The following RERE variants were observed in gnomAD, a reference collection of about 807,000 sequenced individuals.
The protein encoded by RERE is arginine-glutamic acid dipeptide repeats.
A neutral mutation model predicts 146.1 loss-of-function variants in RERE; 40 were observed. The observed-to-expected ratio is 0.27, with a 90% CI of 0.21 to 0.36. The LOEUF is 0.36. Ranked by LOEUF, RERE falls within the 10% of genes least tolerant of loss-of-function variation. RERE has a pLI of 1.00. For missense variants in RERE, 1,933 were observed against 2,138.7 expected, an observed-to-expected ratio of 0.90 and a Z score of 1.90; for synonymous variants, 1,003 against 866.0, an observed-to-expected ratio of 1.16 and a Z score of -2.78.
intron 1 of RERE, among the ~76,000 whole-genome samples, chr1:8,708,605 C>T (rs1005906409): frequency 1.3e-5 from 2 of 152,110 alleles, no homozygotes; most frequent in African/African-American, 4.8e-5. Context: ...GAATTACAGG[C>T]ATGAACCACT....
intron 1 of RERE, among the ~76,000 whole-genome samples, chr1:8,773,855 T>C (rs1172204607): frequency 6.6e-6 from 1 of 152,112 alleles, no homozygotes. Flanking sequence ...TAAGTTACAA[T>C]GCTGTACATA....
chr1:8,521,176 C>CCAA (rs1645493307), intron 7 of RERE, among the ~76,000 whole-genome samples: 2 of 109,976 alleles, frequency 1.8e-5, no homozygotes, highest in Non-Finnish European at 3.5e-5. Flanking sequence ...TTCTTTTTTT[C>CCAA]AAAAAAAAAA....
chr1:8,370,351 A>G (rs997027050), intron 12 of RERE, among the ~76,000 whole-genome samples: 1 of 152,158 alleles, frequency 6.6e-6, no homozygotes, highest in Non-Finnish European at 1.5e-5. Context: ...ACAAGAAACT[A>G]AAAGAACTCA....
intron 1 of RERE, among the ~76,000 whole-genome samples, chr1:8,811,654 C>G (rs974601064): frequency 6.6e-6 from 1 of 152,170 alleles, no homozygotes; most frequent in Admixed American, 6.5e-5. Context: ...ATACAGGTGC[C>G]AATGAATGTG....
intron 4 of RERE, among the ~76,000 whole-genome samples, chr1:8,602,507 T>C (rs1646645659): frequency 9.0e-6 from 1 of 110,982 alleles, no homozygotes; most frequent in Admixed American, 1.2e-4. Flanking sequence ...ATTCCAATAG[T>C]TCAGGGGAAA....
chr1:8,591,958 C>T (rs567152632), intron 4 of RERE, among the ~76,000 whole-genome samples: 3 of 152,120 alleles, frequency 2.0e-5, no homozygotes, highest in East Asian at 3.9e-4. Context: ...TAAAATGATA[C>T]GTAAGGTGAG....
intron 1 of RERE, among the ~76,000 whole-genome samples, chr1:8,815,350 T>C (rs1453066530): frequency 6.6e-6 from 1 of 152,186 alleles, no homozygotes; most frequent in African/African-American, 2.4e-5. Flanking sequence ...TTTATAATAT[T>C]AATCAATAAA....
chr1:8,654,489 A>T (rs1159213487), intron 2 of RERE, among the ~76,000 whole-genome samples: 2 of 152,234 alleles, frequency 1.3e-5, no homozygotes, highest in African/African-American at 4.8e-5. Flanking sequence ...TCTCCTTCTC[A>T]GAAAAACATA....
intron 4 of RERE, among the ~76,000 whole-genome samples, chr1:8,594,238 A>G (rs1388022547): frequency 6.6e-6 from 1 of 152,218 alleles, no homozygotes; most frequent in Non-Finnish European, 1.5e-5. Flanking sequence ...GCCAGCAAGT[A>G]TAGACCCGCA....
intron 4 of RERE, among the ~76,000 whole-genome samples, chr1:8,613,692 T>C (rs988856912): frequency 4.6e-5 from 7 of 152,200 alleles, no homozygotes; most frequent in African/African-American, 1.7e-4. Flanking sequence ...GCTAATTCAG[T>C]ATGAACTGGG....
chr1:8,378,132 T>C (rs1642323548), intron 12 of RERE, among the ~76,000 whole-genome samples: 1 of 152,190 alleles, frequency 6.6e-6, no homozygotes, highest in Non-Finnish European at 1.5e-5. Context: ...TTACCTTTAA[T>C]AAAAGGAGCG....
chr1:8,633,417 T>C (rs1258503710), intron 2 of RERE, among the ~76,000 whole-genome samples: 2 of 152,066 alleles, frequency 1.3e-5, no homozygotes, highest in African/African-American at 4.8e-5. Flanking sequence ...AGCAAGATCC[T>C]GTCTCTTAAA....
intron 7 of RERE, among the ~76,000 whole-genome samples, chr1:8,520,754 TAAAAAA>T (rs145670197): frequency 1.1e-5 from 1 of 92,976 alleles, no homozygotes; most frequent in Non-Finnish European, 1.9e-5. Context: ...AAAAACTTTT[TAAAAAA>T]AAAAAAAAAA....
intron 4 of RERE, among the ~76,000 whole-genome samples, chr1:8,590,159 G>C (rs1269993524): frequency 6.6e-6 from 1 of 151,976 alleles, no homozygotes; most frequent in Non-Finnish European, 1.5e-5. Context: ...AACCAACAAG[G>C]TAATTTCAGA....
intron 1 of RERE, among the ~76,000 whole-genome samples, chr1:8,693,053 A>G (rs1370325043): frequency 6.6e-6 from 1 of 152,192 alleles, no homozygotes; most frequent in Non-Finnish European, 1.5e-5. Context: ...AAAAAAATTT[A>G]ATAACTAAGA....
chr1:8,381,717 C>T (rs570131327), intron 12 of RERE, among the ~76,000 whole-genome samples: 2 of 152,274 alleles, frequency 1.3e-5, no homozygotes, highest in African/African-American at 2.4e-5. Flanking sequence ...TCCCCAGCCC[C>T]GGGGACGCGC....
chr1:8,385,992 A>AAT (rs1642640480), intron 12 of RERE, among the ~76,000 whole-genome samples: 1 of 27,696 alleles, frequency 3.6e-5, no homozygotes, highest in East Asian at 7.0e-4. Context: ...AAAAAAAAAA[A>AAT]AATATATATA....
intron 3 of RERE, among the ~76,000 whole-genome samples, chr1:8,620,117 A>T (rs1646900154): frequency 6.6e-6 from 1 of 152,242 alleles, no homozygotes; most frequent in South Asian, 2.1e-4. Context: ...AAAGTAAGTA[A>T]GTCACATGGT....
At chr1:8,719,809 CCTT>C (rs1226794002) in intron 1 of RERE, among the ~76,000 whole-genome samples, 1 of 152,300 alleles carries the variant, frequency 6.6e-6, no homozygotes, top group South Asian at 2.1e-4. Context: ...TTAATCACCT[CCTT>C]ATTACTGTCA....
Sources: allele counts gnomAD v4.1 joint callset (sites outside exome capture counted in the v4.1 genomes callset), GRCh38; gene constraint gnomAD v4.1.1; transcripts MANE v1.5; gene names NCBI Gene and HGNC (gene_info 2026-07-23, HGNC 2026-07-21).